ATP2C1: variants seen among roughly 807,000 people sequenced by gnomAD.
ATP2C1 encodes ATPase secretory pathway Ca2+ transporting 1.
A neutral mutation model predicts 120.5 loss-of-function variants in ATP2C1; 31 were observed. The ratio of observed to expected loss-of-function variants is 0.26; its 90% confidence interval spans 0.19 to 0.35. The LOEUF (loss-of-function observed/expected upper bound fraction) is 0.35, where lower values mean the gene tolerates loss of function less well. Among genes scored for constraint, ATP2C1 ranks in the 10% least tolerant of loss-of-function variants. The pLI, the probability that ATP2C1 is intolerant of heterozygous loss-of-function variation, is 1.00. For synonymous variants in ATP2C1, 351 were observed against 358.7 expected, an observed-to-expected ratio of 0.98 and a Z score of 0.24; for missense variants, 731 against 1,107.5, an observed-to-expected ratio of 0.66 and a Z score of 4.83.
intron 1 of ATP2C1, among the ~76,000 whole-genome samples, chr3:130,871,273 A>C (rs777012070): frequency 1.4e-4 from 22 of 152,232 alleles, no homozygotes; most frequent in Non-Finnish European, 2.8e-4. Flanking sequence ...TTATCCCTGT[A>C]CATTCTTATT....
At chr3:130,972,719 GT>G (rs1309684709) in intron 17 of ATP2C1, among the ~76,000 whole-genome samples, 1 of 147,006 alleles carries the variant, frequency 6.8e-6, no homozygotes, top group African/African-American at 2.5e-5. Context: ...GCGGTGTTTG[GT>G]TTTTTGTCCT....
chr3:130,894,042 G>T, upstream of ATP2C1: 1 of 986,470 alleles, frequency 1.0e-6, no homozygotes, highest in Non-Finnish European at 1.2e-6. The surrounding 1 kb of genome is among the most constrained non-coding windows in gnomAD (Gnocchi z 4.5). Context: ...CTGGGCGGCC[G>T]GCGGCGGGGA....
intron 2 of ATP2C1, among the ~76,000 whole-genome samples, chr3:130,913,108 TG>T (rs2058515397): frequency 1.3e-5 from 1 of 78,752 alleles, no homozygotes; most frequent in East Asian, 4.5e-4. Context: ...TGTTGTGGGG[TG>T]GGGGGAGGGA....
chr3:130,956,251 C>T, intron 11 of ATP2C1, 72 bp downstream of exon 11: 1 of 915,418 alleles, frequency 1.1e-6, no homozygotes, highest in Non-Finnish European at 1.7e-6. Context: ...TGGTGGTATT[C>T]TAGTTTTATT....
chr3:130,964,986 C>G lies in ATP2C1; in HGVS notation c.1063C>G (p.Leu355Val). ...GATTTGTTCAGATAAAACTGGAACA[C>G]TGACGAAGAATGAAATGACTGTTAC... is the stretch of plus-strand genomic sequence containing the variant. ...NVICSDKTGTLTKNEMTVTHI... is the reference protein window; with the variant it reads ...NVICSDKTGTVTKNEMTVTHI... The change falls in exon 14 of 28, where the codon CTG becomes GTG. Residue 355 changes from leucine (L) to valine (V), a missense_variant. Coordinates refer to ENST00000510168, the MANE Select transcript of ATP2C1 (RefSeq NM_001378687.1). 6.2e-7 allele frequency: 1 copy of G among 1,611,910 alleles called. No homozygotes were observed. The highest frequency in any genetic ancestry group is 1.1e-5 in the South Asian group (1 of 91,024).
Position 130,956,180 on chromosome 3 carries a change from G to A in ATP2C1, c.832+1G>A. 1 of 1,575,148 alleles carries A rather than the reference G, an allele frequency of 6.3e-7. No individual in the cohort carries two copies. On this transcript the variant is annotated splice_donor_variant, in intron 11 of 27. Coordinates refer to ENST00000510168, the MANE Select transcript of ATP2C1 (RefSeq NM_001378687.1). LOFTEE classifies it high-confidence loss of function. The stretch of plus-strand genomic sequence containing the variant: ...TCCTTTTACTCCTTTGGTATAATAG[G>A]TAAGAGAAGAGTGAGTATGTATATA...
upstream of ATP2C1, among the ~76,000 whole-genome samples, chr3:130,889,870 T>C (rs1455795247): frequency 6.6e-6 from 1 of 152,174 alleles, no homozygotes; most frequent in South Asian, 2.1e-4. Context: ...GGTCTTGAAC[T>C]CCTGGGCTCA....
At chr3:130,907,356 A>G (rs1033624908) in intron 2 of ATP2C1, among the ~76,000 whole-genome samples, 1 of 152,116 alleles carries the variant, frequency 6.6e-6, no homozygotes, top group African/African-American at 2.4e-5. Context: ...TTATATATCT[A>G]GGAAACCATT....
intron 1 of ATP2C1, among the ~76,000 whole-genome samples, chr3:130,885,090 C>T (rs754674806): frequency 1.5e-4 from 23 of 152,126 alleles, no homozygotes; most frequent in Admixed American, 1.1e-3. Flanking sequence ...CCTGCGACAA[C>T]GCCCAGCTAA....
chr3:130,948,387 C>T (rs1363411564), intron 8 of ATP2C1, among the ~76,000 whole-genome samples: 1 of 151,294 alleles, frequency 6.6e-6, no homozygotes, highest in Non-Finnish European at 1.5e-5. Flanking sequence ...CTCTTTTTGG[C>T]CTCTGTGGTT....
intron 5 of ATP2C1, among the ~76,000 whole-genome samples, chr3:130,936,641 T>A (rs1334299090): frequency 6.6e-6 from 1 of 151,052 alleles, no homozygotes; most frequent in Non-Finnish European, 1.5e-5. Flanking sequence ...TGAAACCCCG[T>A]CTCTACTAAA....
At chr3:130,978,517 AG>A (rs2061622844) in intron 18 of ATP2C1, among the ~76,000 whole-genome samples, 1 of 152,176 alleles carries the variant, frequency 6.6e-6, no homozygotes, top group African/African-American at 2.4e-5. Context: ...GGAAATGAAA[AG>A]TACTTTGTAC....
chr3:130,894,485 G>A lies in ATP2C1; in HGVS notation c.-180-105G>A. 3 of 1,373,290 alleles carry A rather than the reference G, an allele frequency of 2.2e-6. No individual in the cohort carries two copies. In the South Asian group the frequency reaches 4.7e-5, roughly 22 times the overall value. The allele number at this position is 1,373,290 out of a possible 1,614,324, so 85.1% of individuals were successfully genotyped here. On this transcript the variant is annotated intron_variant, in intron 1 of 27. Transcript: ENST00000510168. The surrounding 1 kb of genome is among the most constrained non-coding windows in gnomAD (Gnocchi z 4.5). ...TGGGGACGTTGCGGGCACACGACGG[G>A]GCGGGTGCGGGATCTTGGGGAGGGG... is the stretch of plus-strand genomic sequence containing the variant.
chr3:130,909,850 T>A (rs975906834), intron 2 of ATP2C1, among the ~76,000 whole-genome samples: 3 of 151,686 alleles, frequency 2.0e-5, no homozygotes, highest in Non-Finnish European at 2.9e-5. Flanking sequence ...GTAGTAGGTT[T>A]TATATATATA....
At chr3:130,984,708 A>T (rs1321334355) in intron 20 of ATP2C1, among the ~76,000 whole-genome samples, 1 of 152,202 alleles carries the variant, frequency 6.6e-6, no homozygotes, top group African/African-American at 2.4e-5. Flanking sequence ...GAAAAACCAC[A>T]GTCCCCAAAG....
At chr3:130,922,541 G>A (rs2059017227) in intron 2 of ATP2C1, among the ~76,000 whole-genome samples, 1 of 152,114 alleles carries the variant, frequency 6.6e-6, no homozygotes, top group Non-Finnish European at 1.5e-5. Flanking sequence ...TCCTTGAGGT[G>A]TGACCTTAGA....
chr3:130,951,729 T>C (rs944170183), intron 8 of ATP2C1, among the ~76,000 whole-genome samples: 9 of 152,210 alleles, frequency 5.9e-5, no homozygotes, highest in Non-Finnish European at 1.0e-4. Flanking sequence ...GGTTTGTGTT[T>C]GTATACACAA....
chr3:130,921,069 A>G (rs1207270542), intron 2 of ATP2C1, among the ~76,000 whole-genome samples: 5 of 145,962 alleles, frequency 3.4e-5, no homozygotes, highest in South Asian at 4.3e-4. Context: ...GAATCTTGCG[A>G]GTTTTCTTTC....
chr3:130,895,512 T>C (rs1244381850), intron 2 of ATP2C1, among the ~76,000 whole-genome samples: 11 of 152,162 alleles, frequency 7.2e-5, no homozygotes, highest in Non-Finnish European at 1.5e-4. Flanking sequence ...TGATTTTTTT[T>C]CCCCCTCCTG....
Sources: allele counts gnomAD v4.1 joint callset (sites outside exome capture counted in the v4.1 genomes callset), GRCh38; gene constraint gnomAD v4.1.1; non-coding constraint Gnocchi (gnomAD v3.1); transcripts MANE v1.5; gene names NCBI Gene and HGNC (gene_info 2026-07-23, HGNC 2026-07-21).